The following NCOA2 variants were observed in gnomAD, a reference collection of about 807,000 sequenced individuals.
NCOA2 encodes the protein class E basic helix-loop-helix protein 75.
NCOA2 carries 21 observed loss-of-function variants against 145.1 expected under a neutral mutation model. The ratio of observed to expected loss-of-function variants is 0.14; its 90% CI spans 0.10 to 0.21. The LOEUF (loss-of-function observed/expected upper bound fraction) is 0.21, where lower values mean the gene tolerates loss of function less well. NCOA2 is among the 10% of genes least tolerant of loss of function. The pLI, the probability that NCOA2 is intolerant of heterozygous loss-of-function variation, is 1.00. For missense variants in NCOA2, 1,472 were observed against 1,837.6 expected (o/e 0.80, Z 3.64); for synonymous variants, 619 against 637.5 (o/e 0.97, Z 0.44).
At chr8:70,299,726 C>T (rs1827349428) in intron 1 of NCOA2, among the ~76,000 whole-genome samples, 1 of 152,120 alleles carries the variant, frequency 6.6e-6, no homozygotes, top group African/African-American at 2.4e-5. Flanking sequence ...TGCAATAGTA[C>T]AGTCATTTGG....
At chr8:70,427,737 C>T in the NCOA2 span, among the ~76,000 whole-genome samples, 1 of 152,080 alleles carries the variant, frequency 6.6e-6, no homozygotes, top group Non-Finnish European at 1.5e-5. Context: ...GAAAGTTGGC[C>T]GTAGGAGGAA....
intron 1 of NCOA2, among the ~76,000 whole-genome samples, chr8:70,394,484 T>G (rs554730493): frequency 7.2e-5 from 11 of 152,298 alleles, no homozygotes; most frequent in African/African-American, 2.6e-4. Flanking sequence ...AAATAAATAT[T>G]TTTACATCAC....
At chr8:70,310,781 A>G (rs1003452679) in intron 1 of NCOA2, among the ~76,000 whole-genome samples, 4 of 152,198 alleles carry the variant, frequency 2.6e-5, no homozygotes, top group African/African-American at 9.7e-5. Flanking sequence ...AATAATTTTT[A>G]ACTGCTCCTT....
At chr8:70,242,848 T>C (rs1213137963) in intron 2 of NCOA2, among the ~76,000 whole-genome samples, 3 of 152,120 alleles carry the variant, frequency 2.0e-5, no homozygotes, top group Admixed American at 1.3e-4. Flanking sequence ...CTATCTATTC[T>C]ACAAATTAAA....
chr8:70,266,852 T>C (rs1824639378), intron 2 of NCOA2, among the ~76,000 whole-genome samples: 1 of 152,232 alleles, frequency 6.6e-6, no homozygotes, highest in African/African-American at 2.4e-5. Flanking sequence ...ACTGTTTTGC[T>C]CTTTTTGTTA....
intron 1 of NCOA2, among the ~76,000 whole-genome samples, chr8:70,337,363 GA>G (rs1807703037): frequency 6.6e-6 from 1 of 152,096 alleles, no homozygotes; most frequent in Non-Finnish European, 1.5e-5. Context: ...TCTCACAAAG[GA>G]AAGAATTTGG....
At position 70,138,279 on chromosome 8, in the gene NCOA2, CTTG is replaced by C; in HGVS notation, c.3079_3081del (p.Gln1027del). The C allele has an allele frequency of 3.1e-6, 5 of 1,613,504 alleles. No homozygotes were observed. In the South Asian group the frequency reaches 4.4e-5, roughly 14 times the overall value. Reference sequence around the variant, plus strand: ...CATGGGGCAGTCTGATTTGGAGGAGCTTGTTGTTGGCTATACTGAGGTCCCCCC... The same window carrying C: ...CATGGGGCAGTCTGATTTGGAGGAGCTTGTTGGCTATACTGAGGTCCCCCC... On this transcript the variant is annotated inframe_deletion, in exon 15 of 23. Coordinates refer to ENST00000452400, the MANE Select transcript of NCOA2 (RefSeq NM_006540.4).
chr8:70,331,994 C>T (rs1474406605), intron 1 of NCOA2, among the ~76,000 whole-genome samples: 2 of 152,084 alleles, frequency 1.3e-5, no homozygotes, highest in South Asian at 2.1e-4. Context: ...ATGTTACATG[C>T]GCTCCTTTAT....
chr8:70,185,037 C>T (rs1046136617), intron 4 of NCOA2, among the ~76,000 whole-genome samples: 1 of 152,200 alleles, frequency 6.6e-6, no homozygotes, highest in African/African-American at 2.4e-5. Flanking sequence ...GTGTTTTTCT[C>T]CCATCTGGTT....
chr8:70,302,752 T>A (rs1827604611), intron 1 of NCOA2, among the ~76,000 whole-genome samples: 1 of 152,202 alleles, frequency 6.6e-6, no homozygotes, highest in Non-Finnish European at 1.5e-5. Flanking sequence ...AAAGTACAAT[T>A]AGTCATAAGT....
In NCOA2 at chr8:70,273,753, GCAC is replaced by G. The variant is rs755082725; in HGVS notation, c.-20+22988_-20+22990del. The G allele has an allele frequency of 2.8e-5, 17 of 604,682 alleles. No homozygotes were observed. In the East Asian group the frequency reaches 6.2e-4, roughly 22 times the overall value. The allele number at this position is 604,682 out of a possible 1,614,324, so 37.5% of individuals were successfully genotyped here. ...GTCCAAACAATCTGTGGGTGGAAAA[GCAC>G]CACTTACTACTGGAGAGAATGATGA... On this transcript the variant is annotated intron_variant, in intron 2 of 22. Transcript: ENST00000452400.
chr8:70,115,957 C>A (rs1307762896), intron 22 of NCOA2, among the ~76,000 whole-genome samples: 2 of 151,880 alleles, frequency 1.3e-5, no homozygotes, highest in Admixed American at 1.3e-4. Flanking sequence ...GAGGCCGAGG[C>A]AGGCAGATCA....
At position 70,166,673 on chromosome 8, in the gene NCOA2, G is replaced by A; in HGVS notation, c.623C>T (p.Pro208Leu). The change falls in exon 7 of 23, where the codon CCT becomes CTT. Residue 208 changes from proline to leucine, a missense_variant. Physicochemically the swap from Pro to Leu is moderately conservative, Grantham distance 98 (BLOSUM62 -3). Transcript: ENST00000452400. ...ATCATGACCCTCCTCTTCTGAATCAGGTAAAGGTTTTACCAGCATCCGACA... is the reference window on the plus strand; with the variant it reads ...ATCATGACCCTCCTCTTCTGAATCAAGTAAAGGTTTTACCAGCATCCGACA... The part of the protein sequence containing the change: ...FNCRMLVKPL[P>L]DSEEEGHDNQ... 1 of 1,613,914 alleles carries A rather than the reference G, an allele frequency of 6.2e-7. No homozygotes were observed. The highest frequency in any genetic ancestry group is 8.5e-7 in the Non-Finnish European group (1 of 1,179,878).
At chr8:70,397,969 C>A (rs1324846250) in intron 1 of NCOA2, among the ~76,000 whole-genome samples, 1 of 151,958 alleles carries the variant, frequency 6.6e-6, no homozygotes, top group Non-Finnish European at 1.5e-5. Flanking sequence ...ATATATGTCC[C>A]CTCCCACCTC....
the NCOA2 span, among the ~76,000 whole-genome samples, chr8:70,411,893 C>T: frequency 6.6e-6 from 1 of 152,116 alleles, no homozygotes; most frequent in Non-Finnish European, 1.5e-5. Context: ...GTTTCTAATC[C>T]GAGTGGAGGT....
the NCOA2 span, among the ~76,000 whole-genome samples, chr8:70,445,316 G>T: frequency 6.6e-6 from 1 of 152,266 alleles, no homozygotes; most frequent in Non-Finnish European, 1.5e-5. Context: ...GTGGGGAAAG[G>T]CTTGGTTGAA....
chr8:70,395,860 T>C (rs1036773178), intron 1 of NCOA2, among the ~76,000 whole-genome samples: 1 of 152,226 alleles, frequency 6.6e-6, no homozygotes, highest in African/African-American at 2.4e-5. Context: ...ACACACTAAA[T>C]GAATAATAGA....
chr8:70,409,377 T>C, the NCOA2 span, among the ~76,000 whole-genome samples: 3 of 152,184 alleles, frequency 2.0e-5, no homozygotes, highest in Admixed American at 6.5e-5. Flanking sequence ...TGGAACAGAA[T>C]AGAGAATTCA....
intron 2 of NCOA2, among the ~76,000 whole-genome samples, chr8:70,250,200 T>C (rs1314632941): frequency 6.6e-6 from 1 of 151,694 alleles, no homozygotes; most frequent in Non-Finnish European, 1.5e-5. Flanking sequence ...GAGACCAGCC[T>C]GGGCAACATG....
Sources: gnomAD v4.1 joint callset for allele counts (sites outside exome capture counted in the v4.1 genomes callset) on GRCh38, gnomAD v4.1.1 for gene constraint, MANE v1.5 for transcripts, NCBI Gene and HGNC (gene_info 2026-07-23, HGNC 2026-07-21) for gene names.